Variants in MYLK observed in about 807,000 individuals in gnomAD.
MYLK encodes the protein myosin light chain kinase, smooth muscle.
In MYLK, 106 loss-of-function variants were observed where a neutral mutation model predicts 203.4. The ratio of observed to expected loss-of-function variants is 0.52; its 90% confidence interval spans 0.45 to 0.61. The LOEUF is 0.61. Among genes scored for constraint, MYLK ranks in the 20% least tolerant of loss-of-function variants. The pLI, the probability that MYLK is intolerant of heterozygous loss-of-function variation, is 0.00. For missense variants in MYLK, 2,072 were observed against 2,442.3 expected (o/e 0.85, Z 3.20); for synonymous variants, 867 against 959.5 (o/e 0.90, Z 1.78).
intron 3 of MYLK, among the ~76,000 whole-genome samples, chr3:123,801,720 C>T (rs1560236466): frequency 6.6e-6 from 1 of 152,194 alleles, no homozygotes; most frequent in South Asian, 2.1e-4. Flanking sequence ...AGGATAATGG[C>T]CTCCAGCTAT....
rs112455075 is a variant in MYLK, at chr3:123,641,440, A to AT, written c.4620-937dup. On this transcript the variant is annotated intron_variant, in intron 27 of 33. Coordinates refer to ENST00000360304, the MANE Select transcript of MYLK (RefSeq NM_053025.4). ...CTTGCTTTTCTTTTTTTCTTCTTCAATTTTTTTTTTTTGGTAGAGACAAGG... is the reference window on the plus strand; with the variant it reads ...CTTGCTTTTCTTTTTTTCTTCTTCAATTTTTTTTTTTTTGGTAGAGACAAGG... Among the ~76,000 whole-genome samples the AT allele has an allele frequency of 6.5e-3, 943 of 145,168 alleles. 7 individuals carry two copies. Among genetic ancestry groups the AT allele is most frequent in the African/African-American group, 0.02 (816 of 39,956 alleles).
intron 13 of MYLK, among the ~76,000 whole-genome samples, chr3:123,717,758 C>T (rs541483894): frequency 2.0e-5 from 3 of 151,794 alleles, no homozygotes; most frequent in East Asian, 3.9e-4. Flanking sequence ...GGAGGAAAGA[C>T]ATTCATTGCT....
intron 13 of MYLK, among the ~76,000 whole-genome samples, chr3:123,721,713 C>T (rs2062093787): frequency 6.6e-6 from 1 of 151,524 alleles, no homozygotes; most frequent in African/African-American, 2.4e-5. Context: ...AGTGCTCTCC[C>T]AAGTCCTTTT....
chr3:123,708,054 G>A (rs1266500865), intron 15 of MYLK, 51 bp from the exon 16 acceptor site: 1 of 1,610,566 alleles, frequency 6.2e-7, no homozygotes, highest in Non-Finnish European at 8.5e-7. Context: ...TCAGCAGGCA[G>A]TGTCCACTCA....
intron 2 of MYLK, among the ~76,000 whole-genome samples, chr3:123,845,324 T>G (rs549911358): frequency 3.3e-5 from 5 of 152,084 alleles, no homozygotes; most frequent in Non-Finnish European, 7.4e-5. Flanking sequence ...AGGAGTGTCC[T>G]AAAACAGGGC....
intron 4 of MYLK, among the ~76,000 whole-genome samples, chr3:123,779,166 C>T (rs374875230): frequency 3.3e-5 from 5 of 152,232 alleles, no homozygotes; most frequent in Non-Finnish European, 2.9e-5. Context: ...AGCAGCTCTC[C>T]TGTCCTCTAG....
chr3:123,722,278 G>A lies in MYLK; in HGVS notation c.1654C>T (p.Gln552Ter). 2.6e-6 allele frequency: 4 copies of A among 1,566,284 alleles called. No individual in the cohort carries two copies. Among genetic ancestry groups the A allele is most frequent in the Non-Finnish European group, 3.5e-6 (4 of 1,154,966 alleles). ...GTGGAGCGAGCGTACTGGATGGGCT[G>A]CCCTGTGGAGGAAGCACAGGAAGGC... Reference protein sequence around the residue: ...VPRITWLLNGQPIQYARSTCE... With the variant: ...VPRITWLLNG Residue 552 changes from glutamine (Q) to a stop codon, truncating the protein, a stop_gained and splice_region_variant, in exon 13 of 34, where the codon CAG becomes TAG. Coordinates refer to ENST00000360304, the MANE Select transcript of MYLK (RefSeq NM_053025.4). LOFTEE classifies it high-confidence loss of function.
intron 24 of MYLK, among the ~76,000 whole-genome samples, chr3:123,652,391 G>A (rs928110988): frequency 2.6e-5 from 4 of 152,214 alleles, no homozygotes; most frequent in Non-Finnish European, 5.9e-5. Flanking sequence ...GCAAACAGAT[G>A]AGAGTCTCGT....
rs754911735 is a variant in MYLK at position 123,667,163 on chromosome 3, G to A, written c.3677C>T (p.Pro1226Leu). 6.2e-7 allele frequency: 1 copy of A among 1,614,134 alleles called. No homozygotes were observed. Among genetic ancestry groups the A allele is most frequent in the Non-Finnish European group, 8.5e-7 (1 of 1,180,024 alleles). The change falls in exon 21 of 34, where the codon CCT becomes CTT. Residue 1226 changes from proline (P) to leucine (L), a missense_variant. Physicochemically the swap from Pro to Leu is moderately conservative, Grantham distance 98 (BLOSUM62 -3). Around this residue, in one of 3 missense-constraint regions of MYLK, gnomAD observed 865 missense variants for 1,016.0 expected, o/e 0.85. Coordinates refer to ENST00000360304, the MANE Select transcript of MYLK (RefSeq NM_053025.4). ...TGCCTTCGGAGGTGTCTTGGGGGCAGGTTTCTTTTTCACAGTCGCATCACC... is the reference window on the plus strand; with the variant it reads ...TGCCTTCGGAGGTGTCTTGGGGGCAAGTTTCTTTTTCACAGTCGCATCACC... Reference protein sequence around the residue: ...TESDATVKKKPAPKTPPKAAM... With the variant: ...TESDATVKKKLAPKTPPKAAM...
intron 7 of MYLK, 87 bp from the exon 8 acceptor site, chr3:123,737,630 T>C (rs1312858074): frequency 1.3e-5 from 21 of 1,558,498 alleles, no homozygotes; most frequent in East Asian, 1.3e-4. Flanking sequence ...CCTAGTGGGA[T>C]AGACTCCAGG....
Position 123,619,929 on chromosome 3 carries a change from T to C in MYLK, c.5368+278A>G, listed in dbSNP as rs186032185. ...ATTTTAATACAATCTTTGTTAATTT[T>C]AACACAAAATATATGAAAAAGCATA... On this transcript the variant is annotated intron_variant, in intron 32 of 33. Transcript: ENST00000360304. Among the ~76,000 whole-genome samples the C allele has an allele frequency of 4.5e-3, 692 of 152,288 alleles. 3 individuals are homozygous for C. The highest frequency in any genetic ancestry group is 9.0e-3 in the Admixed American group (138 of 15,296).
intron 5 of MYLK, among the ~76,000 whole-genome samples, chr3:123,744,939 C>T (rs1199126711): frequency 6.6e-6 from 1 of 152,024 alleles, no homozygotes; most frequent in Non-Finnish European, 1.5e-5. Context: ...TCCACATTTT[C>T]AGAGCAATAG....
intron 13 of MYLK, among the ~76,000 whole-genome samples, chr3:123,714,033 A>T (rs1455510058): frequency 6.6e-6 from 1 of 152,100 alleles, no homozygotes; most frequent in Non-Finnish European, 1.5e-5. Context: ...CCTGATAATA[A>T]CTCCAATGAG....
In MYLK at chr3:123,620,225, C is replaced by T. The variant is rs2107889103; in HGVS notation, c.5350G>A (p.Glu1784Lys). 5.0e-6 allele frequency: 8 copies of T among 1,614,132 alleles called. No homozygotes were observed. The highest frequency in any genetic ancestry group is 6.8e-6 in the Non-Finnish European group (8 of 1,180,006). ...TCCTTACCTTCAGATTCTAGTTTTT[C>T]TGCATTGAGCGGGCTGGTTGGTGAC... ...TGSPTSPLNA[E>K]KLESEEDVSQ... The change falls in exon 32 of 34, where the codon GAA becomes AAA. Residue 1784 changes from glutamate (E) to lysine (K), a missense_variant. Glu to Lys is a moderately conservative substitution (Grantham distance 56, BLOSUM62 1). Around this residue, in one of 3 missense-constraint regions of MYLK, gnomAD observed 524 missense variants for 782.4 expected, o/e 0.67. Transcript: ENST00000360304.
At position 123,770,715 on chromosome 3, in the gene MYLK, G is replaced by A. The variant is rs557828143; in HGVS notation, c.166-18177C>T. Among the ~76,000 whole-genome samples the A allele has an allele frequency of 2.5e-4, 38 of 152,310 alleles. No homozygotes were observed. In the South Asian group the frequency reaches 6.4e-3, roughly 26 times the overall value. ...TGATGGAAGTTGGTCTATTTAGCCT[G>A]GAGTAAAACACACCAAAAGGAGGGC... On this transcript the variant is annotated intron_variant, in intron 4 of 33. Coordinates refer to ENST00000360304, the MANE Select transcript of MYLK (RefSeq NM_053025.4).
intron 5 of MYLK, among the ~76,000 whole-genome samples, chr3:123,742,632 T>C (rs1397486334): frequency 1.3e-5 from 2 of 152,148 alleles, no homozygotes; most frequent in Non-Finnish European, 2.9e-5. Flanking sequence ...TCTCTAACAT[T>C]TCATCACAAA....
intron 4 of MYLK, among the ~76,000 whole-genome samples, chr3:123,789,710 A>G (rs932318702): frequency 2.7e-5 from 4 of 149,818 alleles, no homozygotes; most frequent in Non-Finnish European, 5.9e-5. Context: ...TGGGAAGGAG[A>G]GGGGAGAGGA....
At chr3:123,641,023 C>T (rs1421319976) in intron 27 of MYLK, among the ~76,000 whole-genome samples, 2 of 152,202 alleles carry the variant, frequency 1.3e-5, no homozygotes, top group Non-Finnish European at 2.9e-5. Flanking sequence ...TTGGCTGTAA[C>T]TCATTATACC....
chr3:123,748,173 G>A (rs2063077965), intron 5 of MYLK, among the ~76,000 whole-genome samples: 1 of 152,206 alleles, frequency 6.6e-6, no homozygotes, highest in Non-Finnish European at 1.5e-5. Flanking sequence ...CAGATGACGA[G>A]AGGGAGAAAG....
Sources: gnomAD v4.1 joint callset for allele counts (sites outside exome capture counted in the v4.1 genomes callset) on GRCh38, gnomAD v4.1.1 for gene constraint, gnomAD v4.1.1 regional missense constraint, MANE v1.5 for transcripts, NCBI Gene and HGNC (gene_info 2026-07-23, HGNC 2026-07-21) for gene names.